Variants in FAF1 observed in about 807,000 individuals in gnomAD.
FAF1 encodes FAS-associated factor 1.
FAF1 carries 25 observed loss-of-function variants against 92.5 expected under a neutral mutation model. That is an observed-to-expected ratio of 0.27 (90% CI 0.20 to 0.38). FAF1 has a LOEUF of 0.38. Ranked by LOEUF, FAF1 falls within the 10% of genes least tolerant of loss-of-function variation. The pLI is 1.00. For synonymous variants in FAF1, 234 were observed against 273.2 expected (o/e 0.86, Z 1.42); for missense variants, 636 against 793.3 (o/e 0.80, Z 2.38).
Position 50,779,152 on chromosome 1 carries a change from G to A in FAF1, c.367+8848C>T, listed in dbSNP as rs868131575. On this transcript the variant is annotated intron_variant, in intron 4 of 18. Coordinates refer to ENST00000396153, the MANE Select transcript of FAF1 (RefSeq NM_007051.3). Reference sequence around the variant, plus strand: ...TATGAGACTGCAGCAATTCAGTCACGTCTTCAGGCTCCTCTTCTAATTCTT... The same window carrying A: ...TATGAGACTGCAGCAATTCAGTCACATCTTCAGGCTCCTCTTCTAATTCTT... Among the ~76,000 whole-genome samples the A allele has an allele frequency of 1.3e-4, 20 of 152,280 alleles. No individual in the cohort carries two copies. In the South Asian group the frequency reaches 1.7e-3, roughly 13 times the overall value.
intron 1 of FAF1, among the ~76,000 whole-genome samples, chr1:50,948,569 G>C (rs1424506277): frequency 7.6e-6 from 1 of 131,718 alleles, no homozygotes; most frequent in Non-Finnish European, 1.6e-5. Context: ...GTCTTGCTCT[G>C]TCGCCCAGGC....
intron 1 of FAF1, among the ~76,000 whole-genome samples, chr1:50,869,581 A>T (rs1273047917): frequency 6.6e-6 from 1 of 152,140 alleles, no homozygotes; most frequent in Non-Finnish European, 1.5e-5. Flanking sequence ...CAGAGCTCCT[A>T]CTTGCCATGG....
chr1:50,751,878 G>A (rs571309887), intron 4 of FAF1, among the ~76,000 whole-genome samples: 5 of 152,038 alleles, frequency 3.3e-5, no homozygotes, highest in East Asian at 1.9e-4. Flanking sequence ...TCTTTTTTGC[G>A]AAGGACTGGT....
At position 50,796,993 on chromosome 1, in the gene FAF1, G is replaced by A. The variant is rs139773059; in HGVS notation, c.161+4638C>T. Among the ~76,000 whole-genome samples, 1,515 of 152,110 alleles carry A rather than the reference G, an allele frequency of 1.0e-2. 21 individuals carry two copies. Among genetic ancestry groups the A allele is most frequent in the African/African-American group, 0.034 (1,422 of 41,480 alleles). On this transcript the variant is annotated intron_variant, in intron 3 of 18. Coordinates refer to ENST00000396153, the MANE Select transcript of FAF1 (RefSeq NM_007051.3). ...TCTACAAAAAATAAAAAAATTAGCC[G>A]GGCTTGGTGGCACATGCCTGTAGTC...
intron 1 of FAF1, among the ~76,000 whole-genome samples, chr1:50,889,577 T>C (rs1396299682): frequency 1.3e-5 from 2 of 152,324 alleles, no homozygotes. Context: ...TTTGTTCTCA[T>C]TGGTTTCAAA....
chr1:50,781,966 T>A (rs1330341029), intron 4 of FAF1, among the ~76,000 whole-genome samples: 1 of 152,160 alleles, frequency 6.6e-6, no homozygotes, highest in Admixed American at 6.5e-5. Context: ...TCTAGTGACA[T>A]CTTAGCCACT....
chr1:50,569,631 G>A (rs1650337462), intron 12 of FAF1, among the ~76,000 whole-genome samples: 1 of 152,148 alleles, frequency 6.6e-6, no homozygotes, highest in Non-Finnish European at 1.5e-5. Context: ...GAAAAAGAGA[G>A]CTGTCCACTT....
At chr1:50,473,217 G>C (rs1646598411) in intron 18 of FAF1, among the ~76,000 whole-genome samples, 1 of 152,032 alleles carries the variant, frequency 6.6e-6, no homozygotes, top group African/African-American at 2.4e-5. Context: ...ACAGTCCAGA[G>C]TTTTACCCTG....
chr1:50,865,164 C>T (rs1386217372), intron 1 of FAF1, among the ~76,000 whole-genome samples: 2 of 152,050 alleles, frequency 1.3e-5, no homozygotes, highest in African/African-American at 2.4e-5. Flanking sequence ...GTTAGAATGG[C>T]GATCATTAAA....
chr1:50,622,851 A>C (rs1320558976), intron 8 of FAF1, among the ~76,000 whole-genome samples: 1 of 152,148 alleles, frequency 6.6e-6, no homozygotes, highest in Non-Finnish European at 1.5e-5. Flanking sequence ...ACCTGTGCAC[A>C]CCAGGAAGCA....
chr1:50,457,013 T>C (rs1379448140), intron 18 of FAF1, among the ~76,000 whole-genome samples: 1 of 152,210 alleles, frequency 6.6e-6, no homozygotes, highest in Non-Finnish European at 1.5e-5. Flanking sequence ...TTGGGCAAGT[T>C]ACTTCCCATT....
At chr1:50,855,284 C>G (rs1054784731) in intron 2 of FAF1, among the ~76,000 whole-genome samples, 1 of 151,764 alleles carries the variant, frequency 6.6e-6, no homozygotes, top group African/African-American at 2.4e-5. Flanking sequence ...TAGCAAAAAT[C>G]TGGATGCACT....
intron 1 of FAF1, among the ~76,000 whole-genome samples, chr1:50,885,591 T>A (rs1241440847): frequency 6.6e-6 from 1 of 152,168 alleles, no homozygotes; most frequent in African/African-American, 2.4e-5. Flanking sequence ...GTGAAGTGTG[T>A]TTCTTGTAGG....
At chr1:50,889,201 G>A (rs1227462460) in intron 1 of FAF1, among the ~76,000 whole-genome samples, 13 of 152,166 alleles carry the variant, frequency 8.5e-5, no homozygotes, top group Non-Finnish European at 1.5e-4. Flanking sequence ...CTGTGGGATC[G>A]GTGGTGATAT....
intron 1 of FAF1, among the ~76,000 whole-genome samples, chr1:50,930,673 A>C (rs906404190): frequency 1.3e-5 from 2 of 152,178 alleles, no homozygotes; most frequent in African/African-American, 4.8e-5. Context: ...GTCTCTACTA[A>C]AAATACAAAA....
intron 2 of FAF1, among the ~76,000 whole-genome samples, chr1:50,841,748 T>C (rs910628435): frequency 4.6e-5 from 7 of 151,942 alleles, no homozygotes; most frequent in African/African-American, 1.7e-4. Flanking sequence ...AAAAGCCAGA[T>C]AGTAAAATTT....
chr1:50,776,250 C>T (rs780134413), intron 4 of FAF1, among the ~76,000 whole-genome samples: 3 of 152,114 alleles, frequency 2.0e-5, no homozygotes, highest in Non-Finnish European at 4.4e-5. Context: ...AGCTGTCATT[C>T]GGTTTGAAAA....
chr1:50,921,297 C>G (rs1316560519), intron 1 of FAF1, among the ~76,000 whole-genome samples: 1 of 152,226 alleles, frequency 6.6e-6, no homozygotes, highest in East Asian at 1.9e-4. Context: ...CTGCCCAACT[C>G]TGCAACGCAC....
rs143082507 is a variant in FAF1 at position 50,802,911 on chromosome 1, T to C, written c.115-1234A>G. On this transcript the variant is annotated intron_variant, in intron 2 of 18. Transcript: ENST00000396153. ...ATACTAACTTAAGTATTTGCCACAG[T>C]TTTGTCAAATTCACACCATCGTACT... Among the ~76,000 whole-genome samples, 7 of 152,336 alleles carry C rather than the reference T, an allele frequency of 4.6e-5. No homozygotes were observed. The East Asian group carries it at 1.3e-3, about 29-fold the overall frequency.
Sources: gnomAD v4.1 joint callset for allele counts (sites outside exome capture counted in the v4.1 genomes callset) on GRCh38, gnomAD v4.1.1 for gene constraint, MANE v1.5 for transcripts, NCBI Gene and HGNC (gene_info 2026-07-23, HGNC 2026-07-21) for gene names.